Variants in LRFN2 observed in about 807,000 individuals in gnomAD.
LRFN2 encodes leucine rich repeat and fibronectin type III domain containing 2.
Under a neutral mutation model 37.3 loss-of-function variants are expected in LRFN2, and 18 were observed. The observed-to-expected ratio is 0.48, with a 90% CI of 0.33 to 0.72. LRFN2 has a LOEUF of 0.72. Ranked by LOEUF, LRFN2 falls within the 30% of genes least tolerant of loss-of-function variation. The probability of loss-of-function intolerance (pLI) is 0.02; values close to 1 mark genes in which losing one functional copy is unlikely to be tolerated. For missense variants in LRFN2, 1,006 were observed against 1,060.7 expected, an observed-to-expected ratio of 0.95 and a Z score of 0.72; for synonymous variants, 556 against 466.6, an observed-to-expected ratio of 1.19 and a Z score of -2.47.
intron 1 of LRFN2, among the ~76,000 whole-genome samples, chr6:40,529,040 T>C (rs1766304396): frequency 6.6e-6 from 1 of 152,232 alleles, no homozygotes; most frequent in South Asian, 2.1e-4. Context: ...TAATTTGTCC[T>C]GATCCTCCCT....
intron 1 of LRFN2, among the ~76,000 whole-genome samples, chr6:40,468,043 C>T (rs1406160879): frequency 1.3e-5 from 2 of 152,004 alleles, no homozygotes; most frequent in African/African-American, 2.4e-5. Context: ...AGTGGATGAA[C>T]AGGCCCTATT....
chr6:40,503,181 C>T (rs1765434731), intron 1 of LRFN2, among the ~76,000 whole-genome samples: 1 of 152,154 alleles, frequency 6.6e-6, no homozygotes, highest in Admixed American at 6.5e-5. Context: ...AACAGAAAAC[C>T]AACAGAGGGT....
intron 1 of LRFN2, chr6:40,516,436 A>G (rs1765876170): frequency 6.6e-6 from 1 of 152,258 alleles, no homozygotes; most frequent in Non-Finnish European, 1.5e-5. Context: ...GGAAACAGGA[A>G]TGAGGATGCT....
intron 1 of LRFN2, among the ~76,000 whole-genome samples, chr6:40,460,050 G>C (rs759887652): frequency 2.0e-5 from 3 of 152,148 alleles, no homozygotes; most frequent in Non-Finnish European, 4.4e-5. Flanking sequence ...ATGAAGCTGG[G>C]CTCAAGGAAA....
At chr6:40,543,237 T>C (rs1766590878) in intron 1 of LRFN2, among the ~76,000 whole-genome samples, 1 of 152,220 alleles carries the variant, frequency 6.6e-6, no homozygotes, top group African/African-American at 2.4e-5. Flanking sequence ...AGAGGGATAA[T>C]TGTCTCTTTC....
intron 1 of LRFN2, among the ~76,000 whole-genome samples, chr6:40,458,053 G>C (rs1223780190): frequency 6.6e-6 from 1 of 152,282 alleles, no homozygotes; most frequent in African/African-American, 2.4e-5. Flanking sequence ...GATTTTGTGA[G>C]GGTGATAAAT....
chr6:40,539,316 C>T (rs2113914925), intron 1 of LRFN2, among the ~76,000 whole-genome samples: 1 of 152,308 alleles, frequency 6.6e-6, no homozygotes, highest in African/African-American at 2.4e-5. Flanking sequence ...TACCATTTCC[C>T]CAGCTTTAAG....
intron 1 of LRFN2, among the ~76,000 whole-genome samples, chr6:40,570,849 G>A (rs926410247): frequency 4.6e-5 from 7 of 152,240 alleles, no homozygotes; most frequent in African/African-American, 1.7e-4. Flanking sequence ...CCCTCAGGGT[G>A]CTAGACATGG....
At chr6:40,518,903 C>T (rs989034136) in intron 1 of LRFN2, among the ~76,000 whole-genome samples, 14 of 152,070 alleles carry the variant, frequency 9.2e-5, no homozygotes, top group East Asian at 7.8e-4. Context: ...GGTGGGTGGG[C>T]GAGGGGGTTC....
intron 1 of LRFN2, among the ~76,000 whole-genome samples, chr6:40,452,565 A>G (rs1764135093): frequency 1.3e-5 from 2 of 152,280 alleles, no homozygotes; most frequent in Admixed American, 6.5e-5. Context: ...ATCCTCCCTA[A>G]ATTCTCCACC....
chr6:40,520,755 GT>G (rs942770953), intron 1 of LRFN2, among the ~76,000 whole-genome samples: 2 of 152,076 alleles, frequency 1.3e-5, no homozygotes, highest in African/African-American at 4.8e-5. Context: ...CCTTAGACCT[GT>G]CCCCCTCTGC....
chr6:40,435,034 TATATATATATATATATATAGAG>T (rs1243856457), intron 1 of LRFN2, among the ~76,000 whole-genome samples: 47 of 93,048 alleles, frequency 5.1e-4, no homozygotes, highest in African/African-American at 1.9e-3. Context: ...TATATATATA[TATATATATATATATATATAGAG>T]AGAGAGAGAG....
intron 1 of LRFN2, among the ~76,000 whole-genome samples, chr6:40,474,630 G>C (rs1042260277): frequency 6.6e-6 from 1 of 152,008 alleles, no homozygotes; most frequent in Non-Finnish European, 1.5e-5. Context: ...GCTGGGATTA[G>C]AGGGGTATGC....
intron 2 of LRFN2, among the ~76,000 whole-genome samples, chr6:40,412,509 C>G (rs180809338): frequency 6.6e-6 from 1 of 152,172 alleles, no homozygotes; most frequent in African/African-American, 2.4e-5. Flanking sequence ...CATGCAGGAC[C>G]TGGAGCTCTG....
In LRFN2 at chr6:40,548,440, C is replaced by CAAAAAAAAAAAAAAAAAA. The variant is rs67639435; in HGVS notation, c.-19+38500_-19+38501insTTTTTTTTTTTTTTTTTT. Among the ~76,000 whole-genome samples, 192 of 142,646 alleles carry CAAAAAAAAAAAAAAAAAA rather than the reference C, an allele frequency of 1.3e-3. 1 individual carries two copies. Among genetic ancestry groups the CAAAAAAAAAAAAAAAAAA allele is most frequent in the African/African-American group, 4.4e-3 (170 of 39,024 alleles). The allele number at this position is 142,646 out of a possible 152,430, so 93.6% of individuals were successfully genotyped here. On this transcript the variant is annotated intron_variant, in intron 1 of 2. Coordinates refer to ENST00000338305, the MANE Select transcript of LRFN2 (RefSeq NM_020737.3). ...TGGGTGACACAACGAGACTCCATCT[C>CAAAAAAAAAAAAAAAAAA]AAAAAAAAAATGAAAAAAGAAAAAT...
chr6:40,494,560 C>A (rs1765177597), intron 1 of LRFN2, among the ~76,000 whole-genome samples: 1 of 152,182 alleles, frequency 6.6e-6, no homozygotes, highest in South Asian at 2.1e-4. Flanking sequence ...CCACAACTAT[C>A]CCTGCCATCA....
At chr6:40,421,791 A>G (rs1431755739) in intron 2 of LRFN2, among the ~76,000 whole-genome samples, 1 of 152,188 alleles carries the variant, frequency 6.6e-6, no homozygotes, top group Non-Finnish European at 1.5e-5. Flanking sequence ...GGTGGGCCTT[A>G]GAATTTTATT....
Position 40,392,842 on chromosome 6 carries a change from C to G in LRFN2, c.1471G>C (p.Val491Leu). Residue 491 changes from valine (V) to leucine (L), a missense_variant, in exon 3 of 3, where the codon GTG (valine) becomes CTG (leucine). Around this residue, in one of 4 missense-constraint regions of LRFN2, gnomAD observed 120 missense variants for 178.4 expected, o/e 0.67. Transcript: ENST00000338305. The surrounding 1 kb of genome is among the most constrained non-coding windows in gnomAD (Gnocchi z 4.7). The stretch of plus-strand genomic sequence containing the variant: ...GCTGTGTCATCCCACATGGCCAGCA[C>G]ACACAAGTCGTAGCCAGTCCCTGAC... ...LVSGTGYDLC[V>L]LAMWDDTATT... The G allele has an allele frequency of 6.2e-7, 1 of 1,614,040 alleles. No individual in the cohort carries two copies. The highest frequency in any genetic ancestry group is 8.5e-7 in the Non-Finnish European group (1 of 1,180,002).
chr6:40,453,310 G>A (rs1764156729), intron 1 of LRFN2, among the ~76,000 whole-genome samples: 1 of 152,104 alleles, frequency 6.6e-6, no homozygotes, highest in Non-Finnish European at 1.5e-5. Flanking sequence ...GGCTGGCTTT[G>A]ATATTCTCAT....
Sources: allele counts gnomAD v4.1 joint callset (sites outside exome capture counted in the v4.1 genomes callset), GRCh38; gene constraint gnomAD v4.1.1; regional missense constraint gnomAD v4.1.1; non-coding constraint Gnocchi (gnomAD v3.1); transcripts MANE v1.5; gene names NCBI Gene and HGNC (gene_info 2026-07-23, HGNC 2026-07-21).